The following MTMR3 variants were observed in gnomAD, a reference collection of about 807,000 sequenced individuals.
MTMR3 encodes phosphatidylinositol-3,5-bisphosphate 3-phosphatase MTMR3.
MTMR3 carries 32 observed loss-of-function variants against 132.4 expected under a neutral mutation model. The observed-to-expected ratio is 0.24, with a 90% CI of 0.18 to 0.32. MTMR3 has a LOEUF of 0.32. MTMR3 is among the 10% of genes least tolerant of loss of function. MTMR3 has a pLI of 1.00. For missense variants in MTMR3, 1,216 were observed against 1,489.6 expected (o/e 0.82, Z 3.02); for synonymous variants, 556 against 550.3 (o/e 1.01, Z -0.14).
intron 1 of MTMR3, among the ~76,000 whole-genome samples, chr22:29,896,916 A>AC: frequency 1.1e-5 from 1 of 92,508 alleles, no homozygotes; most frequent in African/African-American, 3.6e-5. Flanking sequence ...CACACACACA[A>AC]ATCCCATATA....
chr22:30,014,630 TC>T (rs1344620079), intron 14 of MTMR3: 7 of 149,096 alleles, frequency 4.7e-5, no homozygotes, highest in Admixed American at 2.7e-4. Flanking sequence ...CACCTCAGCC[TC>T]CCCAGTAGCT....
chr22:29,932,606 A>G (rs1416224093), intron 1 of MTMR3, among the ~76,000 whole-genome samples: 6 of 152,186 alleles, frequency 3.9e-5, no homozygotes, highest in African/African-American at 1.4e-4. Flanking sequence ...ACCTGGGACT[A>G]GAGTACAACA....
At chr22:29,936,104 T>C (rs1262116006) in intron 1 of MTMR3, among the ~76,000 whole-genome samples, 1 of 151,990 alleles carries the variant, frequency 6.6e-6, no homozygotes, top group Non-Finnish European at 1.5e-5. Context: ...AAACCAACTA[T>C]CCTTCTGCTA....
rs191734450 is a variant in MTMR3, at chr22:29,974,199, T to C, written c.3+3137T>C. Among the ~76,000 whole-genome samples, 4 of 152,298 alleles carry C rather than the reference T, an allele frequency of 2.6e-5. No homozygotes were observed. In the East Asian group the frequency reaches 7.7e-4, roughly 29 times the overall value. ...AGGATACGTTTGTTTCCAAAACTGT[T>C]ACCAGACCAGCGTTTCCCAATTTAT... On this transcript the variant is annotated intron_variant, in intron 3 of 19. Transcript: ENST00000401950.
intron 1 of MTMR3, among the ~76,000 whole-genome samples, chr22:29,927,934 C>CCTTT (rs2065549504): frequency 8.0e-6 from 1 of 125,656 alleles, no homozygotes; most frequent in Non-Finnish European, 1.7e-5. Flanking sequence ...AAATCTCTAG[C>CCTTT]CTTTGTTTTT....
intron 15 of MTMR3, 51 bp from the exon 16 acceptor site, chr22:30,017,876 C>T (rs887816318): frequency 1.2e-6 from 2 of 1,608,206 alleles, no homozygotes; most frequent in South Asian, 1.1e-5. Context: ...TCCAGACATC[C>T]TAGAAGACTT....
At chr22:29,943,748 T>G (rs2065901370) in intron 1 of MTMR3, among the ~76,000 whole-genome samples, 1 of 152,114 alleles carries the variant, frequency 6.6e-6, no homozygotes, top group African/African-American at 2.4e-5. Context: ...ACTTTTAGTT[T>G]AGGCATTTTG....
intron 1 of MTMR3, among the ~76,000 whole-genome samples, chr22:29,919,301 TAAAAG>T (rs1479707294): frequency 6.6e-6 from 1 of 152,190 alleles, no homozygotes; most frequent in Admixed American, 6.5e-5. Flanking sequence ...TATACATACT[TAAAAG>T]TAAATGACAT....
intron 1 of MTMR3, among the ~76,000 whole-genome samples, chr22:29,899,976 T>C (rs2064973617): frequency 6.6e-6 from 1 of 152,200 alleles, no homozygotes. Context: ...CGTCGTCTTT[T>C]AGCTTTTGAT....
At chr22:29,914,251 C>T (rs1011646668) in intron 1 of MTMR3, among the ~76,000 whole-genome samples, 1 of 152,124 alleles carries the variant, frequency 6.6e-6, no homozygotes, top group Non-Finnish European at 1.5e-5. Flanking sequence ...GGCTCCAAAT[C>T]CTTGTTGATG....
rs1015945813 is a variant in MTMR3, at chr22:29,925,916, AAAAAT to A, written c.-137-31105_-137-31101del. ...AACCACAGAACAAGACTCGGTCTCA[AAAAAT>A]AAAATAAAATAAAAATAAAGTATAC... On this transcript the variant is annotated intron_variant, in intron 1 of 19. Transcript: ENST00000401950. Among the ~76,000 whole-genome samples the A allele has an allele frequency of 2.6e-4, 40 of 152,288 alleles. No individual in the cohort carries two copies. The South Asian group carries it at 5.6e-3, about 21-fold the overall frequency.
intron 8 of MTMR3, chr22:29,999,167 T>C (rs980155877): frequency 1.2e-5 from 2 of 171,114 alleles, no homozygotes; most frequent in African/African-American, 4.8e-5. Flanking sequence ...TTACCATTTT[T>C]CTCATCACCA....
At chr22:29,961,665 T>C (rs1473216141) in intron 2 of MTMR3, among the ~76,000 whole-genome samples, 1 of 152,144 alleles carries the variant, frequency 6.6e-6, no homozygotes, top group Non-Finnish European at 1.5e-5. Context: ...AAAATAAACT[T>C]AGTGTAGCCT....
chr22:30,000,657 C>T (rs2067153638), intron 8 of MTMR3: 2 of 152,088 alleles, frequency 1.3e-5, no homozygotes, highest in South Asian at 4.2e-4. Context: ...TGTGGACCTT[C>T]TCCAGGGAGT....
intron 2 of MTMR3, among the ~76,000 whole-genome samples, chr22:29,959,198 A>G (rs1416019721): frequency 6.6e-6 from 1 of 152,126 alleles, no homozygotes; most frequent in Non-Finnish European, 1.5e-5. Context: ...ATGGGGTGGT[A>G]CTGATGATGG....
chr22:29,962,895 C>T (rs184293649), intron 2 of MTMR3, among the ~76,000 whole-genome samples: 56 of 149,526 alleles, frequency 3.7e-4, no homozygotes, highest in African/African-American at 1.3e-3. Context: ...TACTTCATTC[C>T]TTTCTCTCTT....
chr22:29,911,379 C>CA (rs1272204638), intron 1 of MTMR3, among the ~76,000 whole-genome samples: 1 of 151,554 alleles, frequency 6.6e-6, no homozygotes, highest in Non-Finnish European at 1.5e-5. Context: ...CTTGTCTCTA[C>CA]AAAAAATAAA....
intron 5 of MTMR3, chr22:29,986,667 T>TC (rs2066864357): frequency 5.4e-5 from 47 of 864,748 alleles, no homozygotes; most frequent in Non-Finnish European, 6.4e-5. Context: ...TTCTTTTCTT[T>TC]TTTTTTTGTT....
At chr22:30,011,602 A>T (rs1425005421) in intron 12 of MTMR3, 1 of 152,252 alleles carries the variant, frequency 6.6e-6, no homozygotes, top group Non-Finnish European at 1.5e-5. Context: ...ACCTCAAGTG[A>T]TCCACCCACC....
Sources: allele counts gnomAD v4.1 joint callset (sites outside exome capture counted in the v4.1 genomes callset), GRCh38; gene constraint gnomAD v4.1.1; transcripts MANE v1.5; gene names NCBI Gene and HGNC (gene_info 2026-07-23, HGNC 2026-07-21).